The following ANO4 variants were observed in gnomAD, a reference collection of about 807,000 sequenced individuals.
ANO4 encodes the protein anoctamin-4.
Under a neutral mutation model 141.9 loss-of-function variants are expected in ANO4, and 69 were observed. That is an observed-to-expected ratio of 0.49 (90% CI 0.40 to 0.59). The LOEUF (loss-of-function observed/expected upper bound fraction) is 0.59. ANO4 is among the 20% of genes least tolerant of loss of function. The pLI, the probability that ANO4 is intolerant of heterozygous loss-of-function variation, is 0.00. For synonymous variants in ANO4, 350 were observed against 394.3 expected (o/e 0.89, Z 1.33); for missense variants, 894 against 1,162.2 (o/e 0.77, Z 3.36).
chr12:100,834,508 TC>T (rs2036800778), intron 1 of ANO4, among the ~76,000 whole-genome samples: 1 of 152,078 alleles, frequency 6.6e-6, no homozygotes, highest in African/African-American at 2.4e-5. Context: ...GTTTTGGAGT[TC>T]CTAAAGTTTG....
At chr12:101,055,904 A>G (rs1031741361) in intron 14 of ANO4, among the ~76,000 whole-genome samples, 3 of 152,094 alleles carry the variant, frequency 2.0e-5, no homozygotes, top group African/African-American at 7.2e-5. Context: ...TCCTAGTACC[A>G]TTTGTCAAAA....
chr12:101,099,696 C>G lies in ANO4; in HGVS notation c.2125C>G (p.Leu709Val). 6.3e-7 allele frequency: 1 copy of G among 1,580,786 alleles called. No homozygotes were observed. The highest frequency in any genetic ancestry group is 2.3e-5 in the East Asian group (1 of 44,206). The change falls in exon 22 of 28, where the codon CTC (leucine) becomes GTC (valine). Residue 709 changes from leucine to valine, a missense_variant. Leu to Val is a conservative substitution (Grantham distance 32). Coordinates refer to ENST00000392977, the MANE Select transcript of ANO4 (RefSeq NM_001286615.2). ...CCTTCAGCCGATGAATGCCTATGGACTCTTCGATGAATACTTAGAAATGAG... is the reference window on the plus strand; with the variant it reads ...CCTTCAGCCGATGAATGCCTATGGAGTCTTCGATGAATACTTAGAAATGAG... The part of the protein sequence containing the change: ...YNLQPMNAYG[L>V]FDEYLEMILQ...
intron 3 of ANO4, among the ~76,000 whole-genome samples, chr12:100,748,242 A>G (rs1483170886): frequency 2.0e-5 from 3 of 152,242 alleles, no homozygotes; most frequent in Admixed American, 1.3e-4. Context: ...GTGACCAGAT[A>G]CTTTCAGAAC....
intron 1 of ANO4, among the ~76,000 whole-genome samples, chr12:100,828,679 A>G (rs1291278648): frequency 6.6e-6 from 1 of 152,068 alleles, no homozygotes; most frequent in Admixed American, 6.6e-5. Context: ...AGCAGGAATC[A>G]GATAAAAGCA....
At chr12:100,859,980 A>G (rs1353010273) in intron 1 of ANO4, among the ~76,000 whole-genome samples, 1 of 152,184 alleles carries the variant, frequency 6.6e-6, no homozygotes, top group East Asian at 1.9e-4. Context: ...TCTTTGTACA[A>G]TCACAAATAA....
chr12:100,916,117 A>C (rs1214790053), intron 2 of ANO4, among the ~76,000 whole-genome samples: 1 of 152,160 alleles, frequency 6.6e-6, no homozygotes, highest in Non-Finnish European at 1.5e-5. Flanking sequence ...GAAAATCATG[A>C]AACAATGGGA....
At position 100,806,524 on chromosome 12, in the gene ANO4, G is replaced by GTTTTTTTTTTTTTTT. The variant is rs763949654; in HGVS notation, c.-141+11519_-141+11533dup. On this transcript the variant is annotated intron_variant, in intron 1 of 27. Transcript: ENST00000392977. ...TTTTAGGAGGTTTTTTTTTTGTTTC[G>GTTTTTTTTTTTTTTT]TTTTTTTTTTTTTTTTTTTTTTTTT... Among the ~76,000 whole-genome samples the GTTTTTTTTTTTTTTT allele has an allele frequency of 1.3e-3, 76 of 59,874 alleles. 19 individuals carry two copies. Among genetic ancestry groups the GTTTTTTTTTTTTTTT allele is most frequent in the Admixed American group, 3.0e-3 (12 of 4,000 alleles). 39.3% of individuals were successfully genotyped at this position (59,874 alleles called of 152,430 possible).
At chr12:100,948,987 T>C (rs2136198674) in intron 5 of ANO4, among the ~76,000 whole-genome samples, 1 of 152,282 alleles carries the variant, frequency 6.6e-6, no homozygotes, top group Admixed American at 6.5e-5. Flanking sequence ...AGACAGCCTA[T>C]GAAGAGGGCC....
At chr12:101,089,488 C>T (rs2049660453) in intron 17 of ANO4, among the ~76,000 whole-genome samples, 1 of 152,070 alleles carries the variant, frequency 6.6e-6, no homozygotes, top group Non-Finnish European at 1.5e-5. Flanking sequence ...AGGACTCGGT[C>T]TGTGTTAACT....
At chr12:100,778,512 C>A (rs1241839690) in intron 3 of ANO4, among the ~76,000 whole-genome samples, 1 of 152,190 alleles carries the variant, frequency 6.6e-6, no homozygotes, top group African/African-American at 2.4e-5. Flanking sequence ...CCAGCAAAGA[C>A]ACCTCCCATA....
At chr12:100,934,740 ATTTG>A in intron 3 of ANO4, among the ~76,000 whole-genome samples, 1 of 152,222 alleles carries the variant, frequency 6.6e-6, no homozygotes, top group Non-Finnish European at 1.5e-5. Context: ...ATATTCTTCC[ATTTG>A]TTTGTGTCCT....
chr12:100,801,938 G>A (rs537045038), intron 1 of ANO4, among the ~76,000 whole-genome samples: 2 of 152,274 alleles, frequency 1.3e-5, no homozygotes, highest in African/African-American at 4.8e-5. Flanking sequence ...TAAATCAAAA[G>A]TCTGTATTCT....
intron 3 of ANO4, among the ~76,000 whole-genome samples, chr12:100,929,226 T>A (rs143234184): frequency 6.6e-5 from 10 of 152,222 alleles, no homozygotes; most frequent in African/African-American, 2.2e-4. Context: ...TCTATCTAAT[T>A]ATATTTTTGT....
intron 2 of ANO4, among the ~76,000 whole-genome samples, chr12:100,902,435 A>G (rs1593696617): frequency 1.3e-5 from 2 of 152,196 alleles, no homozygotes; most frequent in East Asian, 1.9e-4. Flanking sequence ...TCATTGAACA[A>G]ATATGTATTG....
chr12:100,942,585 T>C (rs1247402971), intron 5 of ANO4, 50 bp downstream of exon 5: 3 of 1,557,420 alleles, frequency 1.9e-6, no homozygotes, highest in African/African-American at 1.4e-5. Context: ...TCTATTCATA[T>C]GAAGAGGCAA....
intron 1 of ANO4, among the ~76,000 whole-genome samples, chr12:100,870,710 G>C (rs2038989238): frequency 2.6e-5 from 4 of 152,056 alleles, no homozygotes; most frequent in Admixed American, 2.0e-4. Context: ...AGTATGGCAG[G>C]GTGATCTATA....
At position 100,922,273 on chromosome 12, in the gene ANO4, C is replaced by T. The variant is rs766842194; in HGVS notation, c.103C>T (p.Pro35Ser). 127 of 1,533,196 alleles carry T rather than the reference C, an allele frequency of 8.3e-5. No individual in the cohort carries two copies. The highest frequency in any genetic ancestry group is 1.1e-4 in the Non-Finnish European group (125 of 1,145,950). 95.0% of individuals were successfully genotyped at this position (1,533,196 alleles called of 1,614,324 possible). Residue 35 changes from proline (P) to serine (S), a missense_variant, in exon 3 of 28, where the codon CCT (proline) becomes TCT (serine). By Grantham distance (74) the Pro-to-Ser change is moderately conservative. This residue lies in a region of ANO4 where 257 missense variants were observed against 253.0 expected (regional missense o/e 1.02). Transcript: ENST00000392977. The stretch of plus-strand genomic sequence containing the variant: ...CTACCAGCTGGATATGCAAATACTA[C>T]CTGACGGGCCAAAGAGTGATGTGGA... The part of the protein sequence containing the change: ...QGYQLDMQIL[P>S]DGPKSDVDFS...
intron 2 of ANO4, 60 bp from the exon 3 acceptor site, chr12:100,922,166 C>G: frequency 7.9e-7 from 1 of 1,258,664 alleles, no homozygotes; most frequent in South Asian, 1.6e-5. Flanking sequence ...TCCTTGGGAC[C>G]CTAATGACAG....
chr12:100,851,661 G>T (rs998376520), intron 1 of ANO4, among the ~76,000 whole-genome samples: 1 of 152,138 alleles, frequency 6.6e-6, no homozygotes, highest in Non-Finnish European at 1.5e-5. Context: ...TAAAGGATAA[G>T]TTCTTAAAGG....
Sources: allele counts gnomAD v4.1 joint callset (sites outside exome capture counted in the v4.1 genomes callset), GRCh38; gene constraint gnomAD v4.1.1; regional missense constraint gnomAD v4.1.1; transcripts MANE v1.5; gene names NCBI Gene and HGNC (gene_info 2026-07-23, HGNC 2026-07-21).